The following SFTPB variants were observed in gnomAD, a reference collection of about 807,000 sequenced individuals.
SFTPB encodes the protein pulmonary surfactant-associated protein B.
In SFTPB, 32 loss-of-function variants were observed where a neutral mutation model predicts 51.0. The ratio of observed to expected loss-of-function variants is 0.63; its 90% CI spans 0.47 to 0.84. The LOEUF (loss-of-function observed/expected upper bound fraction) is 0.84. SFTPB is among the 40% of genes least tolerant of loss of function. The pLI is 0.00. For missense variants in SFTPB, 431 were observed against 491.2 expected (o/e 0.88, Z 1.16); for synonymous variants, 211 against 208.5 (o/e 1.01, Z -0.10).
chr2:85,660,448 T>TC (rs1165509569), intron 10 of SFTPB, among the ~76,000 whole-genome samples: 3 of 137,698 alleles, frequency 2.2e-5, no homozygotes, highest in African/African-American at 8.4e-5. Flanking sequence ...AAATACCTTT[T>TC]TTTTTTTTTT....
intron 9 of SFTPB, 150 bp downstream of exon 9, chr2:85,661,879 A>G (rs45508297): frequency 4.4e-4 from 310 of 705,322 alleles, no homozygotes; most frequent in Non-Finnish European, 1.8e-4. Context: ...TTACACTGAA[A>G]CAGAGAGGGG....
intron 10 of SFTPB, among the ~76,000 whole-genome samples, chr2:85,660,484 C>T (rs1259967788): frequency 8.1e-6 from 1 of 123,348 alleles, no homozygotes; most frequent in African/African-American, 3.2e-5. Context: ...GAGTTGTGCT[C>T]TGTTGCCTAG....
At chr2:85,661,297 G>C (rs1677277162) in intron 10 of SFTPB, 157 bp downstream of exon 10, 1 of 573,700 alleles carries the variant, frequency 1.7e-6, no homozygotes, top group African/African-American at 1.9e-5. Flanking sequence ...TGGCCAGCCA[G>C]AAGCCCTCAG....
At chr2:85,660,229 TCTC>T (rs749491764) in intron 10 of SFTPB, among the ~76,000 whole-genome samples, 51 of 149,672 alleles carry the variant, frequency 3.4e-4, no homozygotes, top group Admixed American at 6.0e-4. Context: ...TTCAAGCAAT[TCTC>T]CTCCTCAGCC....
rs34530476 is a variant in SFTPB, at chr2:85,666,215, CTGTGTGTG to C, written c.393+394_393+401del. On this transcript the variant is annotated intron_variant, in intron 4 of 10. Transcript: ENST00000519937. ...GGCCAGCTGGGGTGCTGTGTGTGTG[CTGTGTGTG>C]TGTGTGTGTGTGTGTGTGTGTGTGT... Among the ~76,000 whole-genome samples, 86 of 96,426 alleles carry C rather than the reference CTGTGTGTG, an allele frequency of 8.9e-4. 1 individual carries two copies. The highest frequency in any genetic ancestry group is 2.1e-3 in the African/African-American group (51 of 23,794). 63.3% of individuals were successfully genotyped at this position (96,426 alleles called of 152,430 possible).
intron 6 of SFTPB, 129 bp downstream of exon 6, chr2:85,665,160 C>T (rs1677507733): frequency 1.5e-5 from 12 of 799,348 alleles, no homozygotes; most frequent in Non-Finnish European, 2.4e-5. Context: ...ACAAGCGGCT[C>T]TCTCCCCTCC....
intron 6 of SFTPB, 74 bp from the exon 7 acceptor site, chr2:85,663,921 C>CTGGG: frequency 7.1e-7 from 1 of 1,407,840 alleles, no homozygotes; most frequent in South Asian, 1.3e-5. Context: ...CAGCACCCAG[C>CTGGG]TGGGCACTTC....
At chr2:85,660,032 G>T (rs923619540) in intron 10 of SFTPB, among the ~76,000 whole-genome samples, 1 of 152,142 alleles carries the variant, frequency 6.6e-6, no homozygotes, top group Non-Finnish European at 1.5e-5. Flanking sequence ...GCCTCAGATG[G>T]AAGAAGTGGA....
At chr2:85,668,066 C>T (rs1363628908) in intron 1 of SFTPB, 51 bp downstream of exon 1, 17 of 1,422,436 alleles carry the variant, frequency 1.2e-5, no homozygotes, top group Non-Finnish European at 1.7e-5. Context: ...CAAAGCAGTG[C>T]TCAGTGAGTG....
intron 4 of SFTPB, 30 bp from the exon 5 acceptor site, chr2:85,665,824 G>A (rs1407436456): frequency 6.2e-7 from 1 of 1,608,992 alleles, no homozygotes; most frequent in Non-Finnish European, 8.5e-7. Flanking sequence ...GGGAGTGTTA[G>A]GGTCTGGGAG....
intron 3 of SFTPB, 127 bp from the exon 4 acceptor site, chr2:85,666,869 C>A: frequency 7.7e-7 from 1 of 1,306,560 alleles, no homozygotes; most frequent in Non-Finnish European, 1.1e-6. Flanking sequence ...TCACGAGTGC[C>A]AAGGAGTTAA....
chr2:85,664,595 GCTGGGACTACAGGCACCTGTCACAT>G, intron 6 of SFTPB, among the ~76,000 whole-genome samples: 1 of 152,194 alleles, frequency 6.6e-6, no homozygotes, highest in East Asian at 1.9e-4. Context: ...CTCCCGAGTA[GCTGGGACTACAGGCACCTGTCACAT>G]CTGGCTAATT....
chr2:85,667,367 C>A (rs904022624), intron 2 of SFTPB, among the ~76,000 whole-genome samples, 190 bp from the exon 3 acceptor site: 5 of 151,858 alleles, frequency 3.3e-5, no homozygotes, highest in African/African-American at 7.3e-5. Context: ...CCATCCCAAT[C>A]CATCCATCTT....
rs1376470464 is a variant in SFTPB, at chr2:85,658,944, C to G, written c.*758G>C. 1.3e-5 allele frequency: 2 copies of G among 152,148 alleles called. No homozygotes were observed. Among genetic ancestry groups the G allele is most frequent in the African/African-American group, 4.8e-5 (2 of 41,436 alleles). 9.4% of individuals were successfully genotyped at this position (152,148 alleles called of 1,614,324 possible). On this transcript the variant is annotated 3_prime_UTR_variant, in exon 11 of 11. Coordinates refer to ENST00000519937, the MANE Select transcript of SFTPB (RefSeq NM_000542.5). ...GGGTCCCTAGCTTGCACAACCCCAG[C>G]TGAGCTTTCAGCAGATAAATCACAG...
At chr2:85,662,190 G>A (rs557124359) in intron 8 of SFTPB, 81 bp from the exon 9 acceptor site, 16 of 1,554,772 alleles carry the variant, frequency 1.0e-5, no homozygotes, top group East Asian at 2.4e-5. Flanking sequence ...CCACATCTCT[G>A]GATCACTCTA....
In SFTPB at chr2:85,667,610, C is replaced by G. The variant is rs1160031792; in HGVS notation, c.195+69G>C. 2.5e-6 allele frequency: 4 copies of G among 1,605,428 alleles called. No individual in the cohort carries two copies. In the African/African-American group the frequency reaches 5.3e-5, roughly 21 times the overall value. On this transcript the variant is annotated intron_variant, in intron 2 of 10. Coordinates refer to ENST00000519937, the MANE Select transcript of SFTPB (RefSeq NM_000542.5). ...TATGGGGGCTCCACTCTCCTCCTGC[C>G]CATCCAGAGCCCACCCAGCACCCTT...
chr2:85,665,845 C>G (rs765630139), intron 4 of SFTPB, 51 bp from the exon 5 acceptor site: 6 of 1,583,470 alleles, frequency 3.8e-6, no homozygotes, highest in Non-Finnish European at 3.5e-6. Flanking sequence ...GGAAGCCCAC[C>G]CCTATTCAGG....
At chr2:85,665,440 C>T in intron 5 of SFTPB, 62 bp from the exon 6 acceptor site, 2 of 1,466,390 alleles carry the variant, frequency 1.4e-6, no homozygotes, top group Non-Finnish European at 1.9e-6. Context: ...CCAGGCTCTC[C>T]TCCCCTCTCT....
At position 85,663,443 on chromosome 2, in the gene SFTPB, C is replaced by G; in HGVS notation, c.905G>C (p.Cys302Ser). The stretch of plus-strand genomic sequence containing the variant: ...CCCGGCCTGGGTGGTCACGGACATG[C>G]AGAGGTGGCACTCAGAGTCTCGCGG... ...WLPRDSECHL[C>S]MSVTTQAGNS... The change falls in exon 8 of 11, where the codon TGC becomes TCC. Residue 302 changes from cysteine (C) to serine (S), a missense_variant. Physicochemically the swap from Cys to Ser is moderately radical, Grantham distance 112. Coordinates refer to ENST00000519937, the MANE Select transcript of SFTPB (RefSeq NM_000542.5). 6.2e-7 allele frequency: 1 copy of G among 1,614,030 alleles called. No homozygotes were observed. The highest frequency in any genetic ancestry group is 8.5e-7 in the Non-Finnish European group (1 of 1,180,012).
Sources: allele counts gnomAD v4.1 joint callset (sites outside exome capture counted in the v4.1 genomes callset), GRCh38; gene constraint gnomAD v4.1.1; transcripts MANE v1.5; gene names NCBI Gene and HGNC (gene_info 2026-07-23, HGNC 2026-07-21).